Variants in ZDHHC3 observed in about 807,000 individuals in gnomAD.
The protein encoded by ZDHHC3 is palmitoyltransferase ZDHHC3.
Under a neutral mutation model 30.6 loss-of-function variants are expected in ZDHHC3, and 9 were observed. That is an observed-to-expected ratio of 0.29 (90% CI 0.18 to 0.51). The LOEUF (loss-of-function observed/expected upper bound fraction) is 0.51, where lower values mean the gene tolerates loss of function less well. Among genes scored for constraint, ZDHHC3 ranks in the 20% least tolerant of loss-of-function variants. The pLI is 0.97. For missense variants in ZDHHC3, 246 were observed against 384.2 expected, an observed-to-expected ratio of 0.64 and a Z score of 3.01; for synonymous variants, 136 against 140.2, an observed-to-expected ratio of 0.97 and a Z score of 0.21.
At position 44,953,404 on chromosome 3, in the gene ZDHHC3, G is replaced by T. The variant is rs187319658; in HGVS notation, c.306+5727C>A. ...GATTGAAACAGGCCTAGGATACTAAGGCTGTTTCAATAAGTATCTAGGATA... is the reference window on the plus strand; with the variant it reads ...GATTGAAACAGGCCTAGGATACTAATGCTGTTTCAATAAGTATCTAGGATA... On this transcript the variant is annotated intron_variant, in intron 2 of 6. Coordinates refer to ENST00000424952, the MANE Select transcript of ZDHHC3 (RefSeq NM_001135179.2). 1.4e-4 allele frequency among the ~76,000 whole-genome samples: 22 copies of T among 152,284 alleles called. No individual in the cohort carries two copies. In the East Asian group the frequency reaches 4.2e-3, roughly 29 times the overall value.
In ZDHHC3 at chr3:44,944,158, T is replaced by C. The variant is rs987239719; in HGVS notation, c.431+1010A>G. ...CACCCAGCTAATTAAAAAAAAATTT[T>C]TTTTTTTTGAGATGGAGTTTCACTC... On this transcript the variant is annotated intron_variant, in intron 3 of 6. Transcript: ENST00000424952. 2.0e-5 allele frequency among the ~76,000 whole-genome samples: 3 copies of C among 151,978 alleles called. No individual in the cohort carries two copies. The South Asian group carries it at 6.2e-4, about 32-fold the overall frequency.
Position 44,933,154 on chromosome 3 carries a change from A to T in ZDHHC3, c.574T>A (p.Phe192Ile). Residue 192 changes from phenylalanine (F) to isoleucine (I), a missense_variant, in exon 5 of 7, where the codon TTC becomes ATC. Coordinates refer to ENST00000424952, the MANE Select transcript of ZDHHC3 (RefSeq NM_001135179.2). The part of the protein sequence containing the change: ...ISLHALIMVG[F>I]HFLHCFEEDW... ...TCTTCAAAGCAATGCAGGAAGTGGA[A>T]TCCCACCATGATGAGGGCGTGCAAG... 4 of 1,614,204 alleles carry T rather than the reference A, an allele frequency of 2.5e-6. No individual in the cohort carries two copies. Among genetic ancestry groups the T allele is most frequent in the Non-Finnish European group, 2.5e-6 (3 of 1,180,040 alleles).
chr3:44,947,209 TAA>T (rs1454771152), intron 2 of ZDHHC3, among the ~76,000 whole-genome samples: 4 of 152,018 alleles, frequency 2.6e-5, no homozygotes, highest in Non-Finnish European at 5.9e-5. Flanking sequence ...TCAAAACCAT[TAA>T]GAGAGCAGAA....
chr3:44,921,600 C>T lies in ZDHHC3; in HGVS notation c.*5089G>A. The T allele has an allele frequency of 1.0e-6, 1 of 985,452 alleles. No individual in the cohort carries two copies. Among genetic ancestry groups the T allele is most frequent in the Non-Finnish European group, 1.2e-6 (1 of 829,928 alleles). 61.0% of individuals were successfully genotyped at this position (985,452 alleles called of 1,614,324 possible). On this transcript the variant is annotated 3_prime_UTR_variant, in exon 7 of 7. Coordinates refer to ENST00000424952, the MANE Select transcript of ZDHHC3 (RefSeq NM_001135179.2). ...TGGTTTGAAAAGCACAGCTCCAACA[C>T]AGCTAACATTTATAAAGCCATACCA...
rs895528093 is a variant in ZDHHC3 at position 44,918,238 on chromosome 3, G to C, written c.*8451C>G. On this transcript the variant is annotated 3_prime_UTR_variant, in exon 7 of 7. Transcript: ENST00000424952. ...CAGCTATAGCATAGCAGTGGCGGGG[G>C]GGGGGGCGGGGTGTCCACGGCATGG... 6.5e-4 allele frequency: 786 copies of C among 1,215,762 alleles called. 14 individuals carry two copies. The South Asian group carries it at 9.8e-3, about 15-fold the overall frequency. 75.3% of individuals were successfully genotyped at this position (1,215,762 alleles called of 1,614,324 possible).
At chr3:44,945,698 T>C (rs1208740472) in intron 2 of ZDHHC3, among the ~76,000 whole-genome samples, 1 of 151,876 alleles carries the variant, frequency 6.6e-6, no homozygotes, top group African/African-American at 2.4e-5. Context: ...GCTTGGATTA[T>C]AGGTGCTCGC....
rs1377646990 is a variant in ZDHHC3, at chr3:44,920,736, T to A, written c.*5953A>T. On this transcript the variant is annotated 3_prime_UTR_variant, in exon 7 of 7. Coordinates refer to ENST00000424952, the MANE Select transcript of ZDHHC3 (RefSeq NM_001135179.2). ...AGCCCACAGGATGATTATTTGCCAT[T>A]CATGTGGCATGCTCCCAGATAGGCA... The A allele has an allele frequency of 2.0e-6, 2 of 985,268 alleles. No homozygotes were observed. Among genetic ancestry groups the A allele is most frequent in the South Asian group, 9.4e-5 (2 of 21,288 alleles). The allele number at this position is 985,268 out of a possible 1,614,324, so 61.0% of individuals were successfully genotyped here.
Position 44,922,319 on chromosome 3 carries a change from G to C in ZDHHC3, c.*4370C>G, listed in dbSNP as rs1371865867. On this transcript the variant is annotated 3_prime_UTR_variant, in exon 7 of 7. Coordinates refer to ENST00000424952, the MANE Select transcript of ZDHHC3 (RefSeq NM_001135179.2). ...TCACCGGCCGCCGCTCCCATCTGGA[G>C]GTCCCTTGGTTCTACTCTTTTCTCT... The C allele has an allele frequency of 1.0e-6, 1 of 985,292 alleles. No homozygotes were observed. The highest frequency in any genetic ancestry group is 1.1e-4 in the East Asian group (1 of 8,816). 61.0% of individuals were successfully genotyped at this position (985,292 alleles called of 1,614,324 possible).
chr3:44,958,495 G>T, intron 2 of ZDHHC3: 1 of 1,047,050 alleles, frequency 9.6e-7, no homozygotes, highest in Non-Finnish European at 1.4e-6. Flanking sequence ...TTTAATACCA[G>T]GGTGCACAAA....
chr3:44,974,493 A>C (rs1705706615), intron 1 of ZDHHC3, among the ~76,000 whole-genome samples: 1 of 152,182 alleles, frequency 6.6e-6, no homozygotes, highest in African/African-American at 2.4e-5. Flanking sequence ...AATATCATTT[A>C]TAACATCAGC....
At chr3:44,960,286 T>C (rs370210201) in intron 1 of ZDHHC3, among the ~76,000 whole-genome samples, 82 of 152,340 alleles carry the variant, frequency 5.4e-4, no homozygotes, top group African/African-American at 1.9e-3. Context: ...ATTCCAGCCC[T>C]GGCCACCTCC....
At chr3:44,942,154 G>T (rs971821660) in intron 3 of ZDHHC3, among the ~76,000 whole-genome samples, 1 of 152,202 alleles carries the variant, frequency 6.6e-6, no homozygotes, top group South Asian at 2.1e-4. Flanking sequence ...TAAAATGCTG[G>T]GCGCAAACGT....
At chr3:44,946,883 A>T (rs1002961044) in intron 2 of ZDHHC3, among the ~76,000 whole-genome samples, 2 of 152,206 alleles carry the variant, frequency 1.3e-5, no homozygotes, top group Non-Finnish European at 2.9e-5. Flanking sequence ...ATTTTTCTTT[A>T]TAGGTAGCCT....
chr3:44,916,453 C>T lies in ZDHHC3; in HGVS notation c.*10236G>A, dbSNP rs777139838. 2 of 152,322 alleles carry T rather than the reference C, an allele frequency of 1.3e-5. No homozygotes were observed. The highest frequency in any genetic ancestry group is 2.4e-5 in the African/African-American group (1 of 41,466). 9.4% of individuals were successfully genotyped at this position (152,322 alleles called of 1,614,324 possible). On this transcript the variant is annotated 3_prime_UTR_variant, in exon 7 of 7. Transcript: ENST00000424952. ...AACACTGACCTTCTTCTCCTCTGAA[C>T]TGCAGCCACAGGCCCCTTGGGGCCA...
chr3:44,961,909 A>G (rs575369847), intron 1 of ZDHHC3, among the ~76,000 whole-genome samples: 2 of 152,366 alleles, frequency 1.3e-5, no homozygotes, highest in South Asian at 4.1e-4. Context: ...AGAGTTGAAT[A>G]GCTGTAACCC....
chr3:44,961,445 T>G (rs982802795), intron 1 of ZDHHC3, among the ~76,000 whole-genome samples: 1 of 152,182 alleles, frequency 6.6e-6, no homozygotes, highest in African/African-American at 2.4e-5. Context: ...TGGTTCCTGG[T>G]GGTCCATCAA....
At position 44,923,489 on chromosome 3, in the gene ZDHHC3, C is replaced by T; in HGVS notation, c.*3200G>A. 1.0e-6 allele frequency: 1 copy of T among 985,344 alleles called. No individual in the cohort carries two copies. The allele number at this position is 985,344 out of a possible 1,614,324, so 61.0% of individuals were successfully genotyped here. On this transcript the variant is annotated 3_prime_UTR_variant, in exon 7 of 7. Coordinates refer to ENST00000424952, the MANE Select transcript of ZDHHC3 (RefSeq NM_001135179.2). The stretch of plus-strand genomic sequence containing the variant: ...AGTGGCCTAGCCAGATGAGCAAAAG[C>T]TAATACTTGGGGCTTTTTCAAGAAG...
rs1193249668 is a variant in ZDHHC3, at chr3:44,918,110, T to A, written c.*8579A>T. The A allele has an allele frequency of 7.7e-7, 1 of 1,305,290 alleles. No homozygotes were observed. The highest frequency in any genetic ancestry group is 2.3e-5 in the Admixed American group (1 of 43,568). 80.9% of individuals were successfully genotyped at this position (1,305,290 alleles called of 1,614,324 possible). Reference sequence around the variant, plus strand: ...GACTGCCAGCTCCCCATGTGCTCCCTGGGCTGGTTCTTTCGTTTGAGGCGC... The same window carrying A: ...GACTGCCAGCTCCCCATGTGCTCCCAGGGCTGGTTCTTTCGTTTGAGGCGC... On this transcript the variant is annotated 3_prime_UTR_variant, in exon 7 of 7. Transcript: ENST00000424952.
At position 44,921,848 on chromosome 3, in the gene ZDHHC3, C is replaced by T. The variant is rs1356773750; in HGVS notation, c.*4841G>A. The T allele has an allele frequency of 1.0e-6, 1 of 985,304 alleles. No individual in the cohort carries two copies. Among genetic ancestry groups the T allele is most frequent in the Non-Finnish European group, 1.2e-6 (1 of 829,932 alleles). The allele number at this position is 985,304 out of a possible 1,614,324, so 61.0% of individuals were successfully genotyped here. ...AATACTTGGTCACCAGACTATATGGCCTCAGCTGCAGAAATTCAGGGCATC... is the reference window on the plus strand; with the variant it reads ...AATACTTGGTCACCAGACTATATGGTCTCAGCTGCAGAAATTCAGGGCATC... On this transcript the variant is annotated 3_prime_UTR_variant, in exon 7 of 7. Transcript: ENST00000424952.
Sources: allele counts gnomAD v4.1 joint callset (sites outside exome capture counted in the v4.1 genomes callset), GRCh38; gene constraint gnomAD v4.1.1; transcripts MANE v1.5; gene names NCBI Gene and HGNC (gene_info 2026-07-23, HGNC 2026-07-21).